KLHL20: variants seen among roughly 807,000 people sequenced by gnomAD.
KLHL20 encodes the protein kelch-like protein 20.
Under a neutral mutation model 69.5 loss-of-function variants are expected in KLHL20, and 29 were observed. The ratio of observed to expected loss-of-function variants is 0.42; its 90% confidence interval spans 0.31 to 0.57. KLHL20 has a LOEUF of 0.57. KLHL20 is among the 20% of genes least tolerant of loss of function. KLHL20 has a pLI of 0.18. For synonymous variants in KLHL20, 253 were observed against 265.2 expected, an observed-to-expected ratio of 0.95 and a Z score of 0.45; for missense variants, 419 against 776.0, an observed-to-expected ratio of 0.54 and a Z score of 5.47.
chr1:173,731,530 T>G (rs1326779815), intron 2 of KLHL20, among the ~76,000 whole-genome samples: 2 of 152,120 alleles, frequency 1.3e-5, no homozygotes, highest in African/African-American at 4.8e-5. Context: ...TGGAATACTA[T>G]GCAGCCATAA....
At chr1:173,756,944 G>C in intron 6 of KLHL20, 32 bp from the exon 7 acceptor site, 1 of 1,600,926 alleles carries the variant, frequency 6.2e-7, no homozygotes, top group Non-Finnish European at 8.5e-7. Flanking sequence ...TTCAGGATAG[G>C]ATTCTCTTGA....
rs201721634 is a variant in KLHL20, at chr1:173,774,461, C to G, written c.1429+23C>G. ...CAGGTTAGTCCCTCCCAAAGGCAAT[C>G]AGGTTCCCCAAAAGCAGAACATTTT... On this transcript the variant is annotated intron_variant, in intron 9 of 11. Coordinates refer to ENST00000209884, the MANE Select transcript of KLHL20 (RefSeq NM_014458.4). 34 of 1,613,370 alleles carry G rather than the reference C, an allele frequency of 2.1e-5. No individual in the cohort carries two copies. In the Admixed American group the frequency reaches 4.2e-4, roughly 20 times the overall value.
At position 173,718,351 on chromosome 1, in the gene KLHL20, C is replaced by A. The variant is rs188815833; in HGVS notation, c.23+2285C>A. Among the ~76,000 whole-genome samples the A allele has an allele frequency of 4.0e-3, 611 of 151,794 alleles. 7 individuals are homozygous for A. Among genetic ancestry groups the A allele is most frequent in the East Asian group, 9.4e-3 (47 of 5,014 alleles). On this transcript the variant is annotated intron_variant, in intron 2 of 11. Transcript: ENST00000209884. ...CCCAAGAGTTCAAGACCAGCCTGGG[C>A]AACATGACAAAACCCCATCTCTACA...
intron 7 of KLHL20, among the ~76,000 whole-genome samples, chr1:173,758,547 G>C (rs1024086607): frequency 2.9e-4 from 44 of 152,272 alleles, no homozygotes; most frequent in Middle Eastern, 3.4e-3. Flanking sequence ...CAAATATTGG[G>C]AGTGCCCCAA....
At chr1:173,773,061 C>G (rs1349415168) in intron 8 of KLHL20, among the ~76,000 whole-genome samples, 3 of 152,142 alleles carry the variant, frequency 2.0e-5, no homozygotes, top group African/African-American at 7.2e-5. Context: ...ACAACTGTCT[C>G]AAGCAATCCC....
chr1:173,757,252 A>G, intron 7 of KLHL20, 93 bp downstream of exon 7: 2 of 1,254,494 alleles, frequency 1.6e-6, no homozygotes, highest in East Asian at 4.8e-5. Context: ...ATGCTTTAGT[A>G]TTGCATCTGT....
At chr1:173,763,405 C>T (rs1453538127) in intron 7 of KLHL20, among the ~76,000 whole-genome samples, 1 of 152,010 alleles carries the variant, frequency 6.6e-6, no homozygotes, top group Non-Finnish European at 1.5e-5. Context: ...TCATATGGAA[C>T]CAAAAAAGAG....
chr1:173,780,758 T>G (rs878918066), intron 10 of KLHL20, among the ~76,000 whole-genome samples: 2 of 151,706 alleles, frequency 1.3e-5, no homozygotes, highest in African/African-American at 2.4e-5. Flanking sequence ...TGAGATGGAG[T>G]CTTGCTCTGT....
intron 2 of KLHL20, among the ~76,000 whole-genome samples, chr1:173,728,600 C>T (rs541573597): frequency 5.9e-5 from 9 of 152,322 alleles, no homozygotes; most frequent in Non-Finnish European, 1.3e-4. Context: ...CAACTCAAAA[C>T]TGCTCAACTA....
intron 4 of KLHL20, among the ~76,000 whole-genome samples, 188 bp from the exon 5 acceptor site, chr1:173,753,025 T>G (rs6702485): frequency 0.09 from 13,688 of 151,872 alleles, 1,997 homozygotes; most frequent in African/African-American, 0.31. Flanking sequence ...ATACAAAAAT[T>G]TGTTGGGCAT....
intron 10 of KLHL20, among the ~76,000 whole-genome samples, chr1:173,778,966 G>C (rs559763469): frequency 1.3e-5 from 2 of 151,274 alleles, no homozygotes; most frequent in Non-Finnish European, 2.9e-5. Context: ...TTTCTGCTCT[G>C]ATCTTTATTG....
intron 2 of KLHL20, among the ~76,000 whole-genome samples, chr1:173,724,172 A>ATT (rs375714592): frequency 1.1e-3 from 150 of 134,216 alleles, no homozygotes; most frequent in African/African-American, 3.8e-3. Context: ...TGTTTTGGGG[A>ATT]TTTTTTTTTT....
intron 1 of KLHL20, chr1:173,715,709 G>T (rs1671436682): frequency 3.5e-6 from 1 of 286,582 alleles, no homozygotes; most frequent in South Asian, 9.0e-5. Flanking sequence ...TTGATGTCGA[G>T]ATCACAGTTA....
intron 9 of KLHL20, among the ~76,000 whole-genome samples, chr1:173,775,310 T>C (rs1174353780): frequency 6.6e-6 from 1 of 152,202 alleles, no homozygotes; most frequent in African/African-American, 2.4e-5. Flanking sequence ...TGGTGCTTAT[T>C]GATCATGTAG....
At chr1:173,732,334 G>T (rs796636586) in intron 2 of KLHL20, among the ~76,000 whole-genome samples, 1 of 151,910 alleles carries the variant, frequency 6.6e-6, no homozygotes, top group Non-Finnish European at 1.5e-5. Context: ...AAATCAATAA[G>T]TAAAAAAACC....
At chr1:173,782,291 A>T in intron 11 of KLHL20, 61 bp downstream of exon 11, 1 of 1,230,312 alleles carries the variant, frequency 8.1e-7, no homozygotes, top group Non-Finnish European at 1.2e-6. Flanking sequence ...TGGGCTTGAA[A>T]TAGCCTATGA....
chr1:173,753,807 G>A (rs1234482259), intron 5 of KLHL20, among the ~76,000 whole-genome samples: 1 of 152,094 alleles, frequency 6.6e-6, no homozygotes, highest in Admixed American at 6.6e-5. Context: ...AGTTTCCAGA[G>A]GTTTTTTGAC....
intron 8 of KLHL20, among the ~76,000 whole-genome samples, chr1:173,773,898 A>G (rs1323588534): frequency 1.5e-4 from 23 of 151,966 alleles, no homozygotes; most frequent in Admixed American, 1.5e-3. Flanking sequence ...CTGTAGTCCC[A>G]GCTGCTCAGG....
intron 3 of KLHL20, among the ~76,000 whole-genome samples, chr1:173,737,581 T>C (rs1359807945): frequency 6.6e-6 from 1 of 152,258 alleles, no homozygotes; most frequent in Non-Finnish European, 1.5e-5. Context: ...TTGGTCTATG[T>C]ACCTATTTTT....
Sources: gnomAD v4.1 joint callset for allele counts (sites outside exome capture counted in the v4.1 genomes callset) on GRCh38, gnomAD v4.1.1 for gene constraint, MANE v1.5 for transcripts, NCBI Gene and HGNC (gene_info 2026-07-23, HGNC 2026-07-21) for gene names.